The following HEMK2 variants were observed in gnomAD, a reference collection of about 807,000 sequenced individuals.
The protein encoded by HEMK2 is methyltransferase HEMK2.
the HEMK2 span, among the ~76,000 whole-genome samples, chr21:28,877,005 GAGGA>G: frequency 2.7e-3 from 93 of 34,542 alleles, no homozygotes; most frequent in African/African-American, 7.5e-3. Context: ...GGGAGGGAGG[GAGGA>G]AGGAAGGAAG....
the HEMK2 span, among the ~76,000 whole-genome samples, chr21:28,678,067 G>C: frequency 6.0e-4 from 91 of 152,362 alleles, no homozygotes; most frequent in Middle Eastern, 0.014. Context: ...CAAGTTGAGA[G>C]AAGAAGGCTT....
At chr21:28,722,380 G>A in the HEMK2 span, among the ~76,000 whole-genome samples, 1 of 152,148 alleles carries the variant, frequency 6.6e-6, no homozygotes, top group Non-Finnish European at 1.5e-5. Flanking sequence ...GGAGTCCGAT[G>A]GAAGAGGCAG....
At chr21:28,774,701 T>C in the HEMK2 span, among the ~76,000 whole-genome samples, 10 of 152,250 alleles carry the variant, frequency 6.6e-5, no homozygotes. Flanking sequence ...AGTGATATGA[T>C]GATCTCATAA....
the HEMK2 span, among the ~76,000 whole-genome samples, chr21:28,855,722 C>T: frequency 6.6e-6 from 1 of 152,122 alleles, no homozygotes; most frequent in South Asian, 2.1e-4. Flanking sequence ...CATATAAAAC[C>T]ATGCAATTAC....
At chr21:28,746,672 T>TA in the HEMK2 span, among the ~76,000 whole-genome samples, 10,907 of 144,812 alleles carry the variant, frequency 0.075, 629 homozygotes, top group African/African-American at 0.16. Context: ...AGGGCCAATC[T>TA]AAAAAAAAAA....
chr21:28,603,003 C>G, the HEMK2 span, among the ~76,000 whole-genome samples: 1 of 152,152 alleles, frequency 6.6e-6, no homozygotes, highest in Non-Finnish European at 1.5e-5. Context: ...CTCAGGGGTC[C>G]CTGAAGACCA....
At chr21:28,646,103 T>C in the HEMK2 span, among the ~76,000 whole-genome samples, 1 of 152,198 alleles carries the variant, frequency 6.6e-6, no homozygotes, top group Non-Finnish European at 1.5e-5. Flanking sequence ...GGTCACTTGA[T>C]GAAATATCTG....
At chr21:28,632,263 T>C in the HEMK2 span, among the ~76,000 whole-genome samples, 1 of 152,234 alleles carries the variant, frequency 6.6e-6, no homozygotes, top group African/African-American at 2.4e-5. Context: ...ACAAATTCCC[T>C]GAGAGTCTTA....
chr21:28,760,026 G>T, the HEMK2 span, among the ~76,000 whole-genome samples: 4 of 130,704 alleles, frequency 3.1e-5, no homozygotes, highest in South Asian at 9.0e-4. Context: ...TCACTTGTGG[G>T]ATATTTTCTG....
chr21:28,745,819 A>G, the HEMK2 span, among the ~76,000 whole-genome samples: 1 of 152,182 alleles, frequency 6.6e-6, no homozygotes, highest in Non-Finnish European at 1.5e-5. Flanking sequence ...ACCCCCTTCA[A>G]ATCCTATCCC....
At chr21:28,877,016 GA>G in the HEMK2 span, among the ~76,000 whole-genome samples, 3 of 27,534 alleles carry the variant, frequency 1.1e-4, no homozygotes, top group Non-Finnish European at 2.3e-4. Flanking sequence ...AGGAAGGAAG[GA>G]AGGAAGGAAG....
At chr21:28,725,638 G>A in the HEMK2 span, among the ~76,000 whole-genome samples, 14 of 152,296 alleles carry the variant, frequency 9.2e-5, no homozygotes, top group African/African-American at 2.9e-4. Context: ...ATCATGTCCT[G>A]ACTCAGACCC....
chr21:28,755,642 T>G, the HEMK2 span, among the ~76,000 whole-genome samples: 2 of 152,218 alleles, frequency 1.3e-5, no homozygotes, highest in Admixed American at 1.3e-4. Flanking sequence ...GGAAGACTGA[T>G]TGCCAAGTTA....
chr21:28,587,508 T>A, the HEMK2 span, among the ~76,000 whole-genome samples: 1 of 152,212 alleles, frequency 6.6e-6, no homozygotes, highest in South Asian at 2.1e-4. Flanking sequence ...GTAGGCAACC[T>A]AAAAAACTAA....
the HEMK2 span, among the ~76,000 whole-genome samples, chr21:28,831,462 C>CGAAAGAAAGAGA: frequency 1.6e-3 from 37 of 23,664 alleles, no homozygotes; most frequent in South Asian, 8.7e-3. Flanking sequence ...AAGAAAAGAA[C>CGAAAGAAAGAGA]GAAAGAAAGA....
the HEMK2 span, among the ~76,000 whole-genome samples, chr21:28,682,495 G>A: frequency 3.2e-3 from 479 of 151,598 alleles, 4 homozygotes; most frequent in Non-Finnish European, 4.3e-3. Context: ...TCGGTGTGGC[G>A]ATTCCTCAGG....
chr21:28,863,410 T>TTATATA, the HEMK2 span, among the ~76,000 whole-genome samples: 8 of 38,986 alleles, frequency 2.1e-4, no homozygotes, highest in Admixed American at 8.1e-4. Flanking sequence ...AAACTCCCTT[T>TTATATA]TATATATATA....
the HEMK2 span, among the ~76,000 whole-genome samples, chr21:28,710,939 C>A: frequency 1.3e-5 from 2 of 152,062 alleles, no homozygotes; most frequent in Non-Finnish European, 2.9e-5. Flanking sequence ...TGGTTTAATG[C>A]CTCCCATATT....
chr21:28,679,114 G>C, the HEMK2 span, among the ~76,000 whole-genome samples: 7 of 152,132 alleles, frequency 4.6e-5, no homozygotes, highest in African/African-American at 1.7e-4. Context: ...TGGATAAAGA[G>C]TCAAGACCCA....
Sources: allele counts gnomAD v4.1 joint callset (sites outside exome capture counted in the v4.1 genomes callset), GRCh38; gene constraint gnomAD v4.1.1; transcripts MANE v1.5; gene names NCBI Gene and HGNC (gene_info 2026-07-23, HGNC 2026-07-21).